ADCY9: variants seen among roughly 807,000 people sequenced by gnomAD.
ADCY9 encodes adenylate cyclase type 9.
Under a neutral mutation model 101.5 loss-of-function variants are expected in ADCY9, and 50 were observed. The ratio of observed to expected loss-of-function variants is 0.49; its 90% CI spans 0.39 to 0.62. The LOEUF (loss-of-function observed/expected upper bound fraction) is 0.62. Ranked by LOEUF, ADCY9 falls within the 20% of genes least tolerant of loss-of-function variation. The pLI is 0.00. For synonymous variants in ADCY9, 905 were observed against 769.3 expected, an observed-to-expected ratio of 1.18 and a Z score of -2.92; for missense variants, 1,662 against 1,800.4, an observed-to-expected ratio of 0.92 and a Z score of 1.39.
At chr16:4,056,038 G>C (rs2056735580) in intron 2 of ADCY9, among the ~76,000 whole-genome samples, 2 of 152,106 alleles carry the variant, frequency 1.3e-5, no homozygotes, top group African/African-American at 2.4e-5. Context: ...GGCAGTGCTG[G>C]AAACACACAT....
chr16:4,053,531 T>A lies in ADCY9; in HGVS notation c.1694-45973A>T, dbSNP rs1184332457. Among the ~76,000 whole-genome samples the A allele has an allele frequency of 3.9e-5, 6 of 152,330 alleles. No individual in the cohort carries two copies. The East Asian group carries it at 1.2e-3, about 29-fold the overall frequency. On this transcript the variant is annotated intron_variant, in intron 2 of 10. Transcript: ENST00000294016. Reference sequence around the variant, plus strand: ...TCTATTTATAACAGTTGGGCACTTGTCGCCACAATGGCTGATTGTGTGGCC... The same window carrying A: ...TCTATTTATAACAGTTGGGCACTTGACGCCACAATGGCTGATTGTGTGGCC...
chr16:3,958,372 C>T (rs937511191), downstream of ADCY9, among the ~76,000 whole-genome samples: 6 of 151,872 alleles, frequency 4.0e-5, no homozygotes, highest in Non-Finnish European at 8.8e-5. Context: ...AACTCCATCT[C>T]TACTAAAAAT....
At chr16:3,981,259 C>T (rs1451606967) in intron 7 of ADCY9, among the ~76,000 whole-genome samples, 1 of 152,220 alleles carries the variant, frequency 6.6e-6, no homozygotes, top group Non-Finnish European at 1.5e-5. Context: ...CGGCAGTCTA[C>T]ACCGGGGTTG....
intron 2 of ADCY9, among the ~76,000 whole-genome samples, chr16:4,058,757 A>G (rs540636549): frequency 4.3e-4 from 66 of 152,286 alleles, no homozygotes; most frequent in Non-Finnish European, 7.8e-4. Context: ...GAGTCCACCG[A>G]GGAGCTAAAA....
chr16:4,085,986 T>C (rs1182120216), intron 2 of ADCY9, among the ~76,000 whole-genome samples: 1 of 151,746 alleles, frequency 6.6e-6, no homozygotes, highest in African/African-American at 2.4e-5. Flanking sequence ...TCGCTGAGTA[T>C]CTACTGTGCC....
intron 2 of ADCY9, among the ~76,000 whole-genome samples, chr16:4,098,103 A>G (rs2057019735): frequency 6.6e-6 from 1 of 152,042 alleles, no homozygotes; most frequent in Non-Finnish European, 1.5e-5. Context: ...TACTAAGGGA[A>G]TTCCTGGAGT....
At chr16:3,993,787 T>C (rs935660551) in intron 3 of ADCY9, among the ~76,000 whole-genome samples, 2 of 152,064 alleles carry the variant, frequency 1.3e-5, no homozygotes, top group African/African-American at 4.8e-5. Flanking sequence ...ATTCGAACAA[T>C]GGGATATTAC....
intron 7 of ADCY9, among the ~76,000 whole-genome samples, chr16:3,980,795 A>T (rs1170199233): frequency 6.6e-6 from 1 of 152,146 alleles, no homozygotes; most frequent in African/African-American, 2.4e-5. Flanking sequence ...AGGAGGGGGG[A>T]CAGAGGGAAC....
In ADCY9 at chr16:3,956,812, A is replaced by G. The variant is rs1315685661; in HGVS notation, c.568-3296T>C. 7.9e-5 allele frequency among the ~76,000 whole-genome samples: 12 copies of G among 152,088 alleles called. No homozygotes were observed. In the East Asian group the frequency reaches 1.9e-3, roughly 25 times the overall value. On this transcript the variant is annotated intron_variant, in intron 5 of 5. Transcript: ENST00000576936. The stretch of plus-strand genomic sequence containing the variant: ...GCCCGGCCAGCAATCTGTCTTTTCT[A>G]TGGAGGCACAAATGTGCAGCAAACC...
At chr16:3,959,426 A>G (rs902986159), downstream of ADCY9, among the ~76,000 whole-genome samples, 2 of 151,912 alleles carry the variant, frequency 1.3e-5, no homozygotes, top group African/African-American at 4.8e-5. Flanking sequence ...CCTTCAGTTT[A>G]TAAGTGGAAT....
chr16:4,078,992 T>C (rs987652508), intron 2 of ADCY9, among the ~76,000 whole-genome samples: 10 of 152,200 alleles, frequency 6.6e-5, no homozygotes, highest in African/African-American at 2.4e-4. Flanking sequence ...TAATTGACAA[T>C]ATTATATTTC....
At chr16:4,023,457 G>T (rs1353179144) in intron 2 of ADCY9, among the ~76,000 whole-genome samples, 1 of 149,320 alleles carries the variant, frequency 6.7e-6, no homozygotes, top group Non-Finnish European at 1.5e-5. Flanking sequence ...GGTGGTGTAG[G>T]TCTGGGGAAG....
intron 2 of ADCY9, among the ~76,000 whole-genome samples, chr16:4,042,829 C>T (rs1201602764): frequency 2.0e-5 from 3 of 152,188 alleles, no homozygotes; most frequent in Admixed American, 6.5e-5. Flanking sequence ...GCTGCCACTC[C>T]GTTTGGACGA....
chr16:4,115,330 G>A lies in ADCY9; in HGVS notation c.113C>T (p.Ser38Phe), dbSNP rs1436842993. The A allele has an allele frequency of 1.2e-6, 2 of 1,613,650 alleles. No individual in the cohort carries two copies. Among genetic ancestry groups the A allele is most frequent in the Non-Finnish European group, 1.7e-6 (2 of 1,179,848 alleles). Reference sequence around the variant, plus strand: ...GCAGTGCTTGGGGTGGCTGTTGGAGGACAGCTGCTTGGGGTTGATCTTGAC... The same window carrying A: ...GCAGTGCTTGGGGTGGCTGTTGGAGAACAGCTGCTTGGGGTTGATCTTGAC... ...VRVKINPKQL[S>F]SNSHPKHCKY... Residue 38 changes from serine to phenylalanine, a missense_variant, in exon 2 of 11, where the codon TCC (serine) becomes TTC (phenylalanine). This residue lies in a region of ADCY9 where 422 missense variants were observed against 392.0 expected (regional missense o/e 1.08). Transcript: ENST00000294016. This position sits in a 1 kb window ranked among gnomAD's most constrained non-coding sequence, Gnocchi z 6.2.
At chr16:4,105,075 A>C (rs1209704324) in intron 2 of ADCY9, among the ~76,000 whole-genome samples, 2 of 152,066 alleles carry the variant, frequency 1.3e-5, no homozygotes, top group East Asian at 1.9e-4. Context: ...TCCACCAAAA[A>C]AAAAACAAAA....
intron 2 of ADCY9, among the ~76,000 whole-genome samples, chr16:4,060,061 T>G (rs759425683): frequency 2.6e-5 from 4 of 152,192 alleles, no homozygotes; most frequent in Admixed American, 6.5e-5. Flanking sequence ...GTGGCTCCAC[T>G]GCTGGAGGGG....
chr16:4,088,377 A>C (rs2283500), intron 2 of ADCY9, among the ~76,000 whole-genome samples: 14,183 of 151,814 alleles, frequency 0.093, 788 homozygotes, highest in Middle Eastern at 0.15. Flanking sequence ...CTGTAGCCTC[A>C]ACTTCCCAGG....
chr16:4,021,531 T>C (rs1381652762), intron 2 of ADCY9, among the ~76,000 whole-genome samples: 1 of 152,160 alleles, frequency 6.6e-6, no homozygotes, highest in Non-Finnish European at 1.5e-5. Context: ...GTGAGCACAC[T>C]GTAGATACAC....
intron 2 of ADCY9, among the ~76,000 whole-genome samples, chr16:4,078,652 TA>T (rs1334531207): frequency 6.6e-6 from 1 of 151,992 alleles, no homozygotes; most frequent in Non-Finnish European, 1.5e-5. Flanking sequence ...AAGGCTTTTC[TA>T]ACCATGATAC....
Sources: gnomAD v4.1 joint callset for allele counts (sites outside exome capture counted in the v4.1 genomes callset) on GRCh38, gnomAD v4.1.1 for gene constraint, gnomAD v4.1.1 regional missense constraint, Gnocchi (gnomAD v3.1) non-coding constraint, MANE v1.5 for transcripts, NCBI Gene and HGNC (gene_info 2026-07-23, HGNC 2026-07-21) for gene names.